The following NTRK3 variants were observed in gnomAD, a reference collection of about 807,000 sequenced individuals.
NTRK3 encodes the protein NT-3 growth factor receptor.
A neutral mutation model predicts 91.7 loss-of-function variants in NTRK3; 24 were observed. The ratio of observed to expected loss-of-function variants is 0.26; its 90% CI spans 0.19 to 0.37. The LOEUF is 0.37. NTRK3 is among the 10% of genes least tolerant of loss of function. The pLI, the probability that NTRK3 is intolerant of heterozygous loss-of-function variation, is 1.00. For synonymous variants in NTRK3, 483 were observed against 404.0 expected (o/e 1.20, Z -2.34); for missense variants, 880 against 1,068.9 (o/e 0.82, Z 2.46).
At position 87,877,000 on chromosome 15, in the gene NTRK3, C is replaced by A; in HGVS notation, c.2413G>T (p.Glu805Ter). 1 of 1,613,828 alleles carries A rather than the reference C, an allele frequency of 6.2e-7. No homozygotes were observed. The highest frequency in any genetic ancestry group is 8.5e-7 in the Non-Finnish European group (1 of 1,179,970). ...AAAGCATGGAGGATTTTGTAGATCT[C>A]CTTGATGTTCAACCGCTGCTGTGGT... Residue 805 changes from glutamate to a stop codon, truncating the protein, a stop_gained, in exon 19 of 19, where the codon GAG becomes TAG. Transcript: ENST00000394480. LOFTEE classifies it high-confidence loss of function.
chr15:87,993,669 A>G (rs916099264), intron 14 of NTRK3, among the ~76,000 whole-genome samples: 2 of 152,218 alleles, frequency 1.3e-5, no homozygotes, highest in African/African-American at 2.4e-5. Context: ...GCTCCCAAGC[A>G]TCAGCATTTT....
At chr15:88,152,465 CAT>C (rs1390092303) in intron 5 of NTRK3, among the ~76,000 whole-genome samples, 2 of 151,988 alleles carry the variant, frequency 1.3e-5, no homozygotes, top group Non-Finnish European at 2.9e-5. Context: ...AGGACACAGA[CAT>C]AAAGAAAAGA....
intron 3 of NTRK3, among the ~76,000 whole-genome samples, chr15:88,192,816 C>T (rs183136829): frequency 6.6e-6 from 1 of 152,252 alleles, no homozygotes; most frequent in African/African-American, 2.4e-5. Context: ...CAGATCTCCA[C>T]TCAAAAATCA....
intron 13 of NTRK3, among the ~76,000 whole-genome samples, chr15:88,082,404 T>G (rs1285177837): frequency 6.6e-6 from 1 of 152,218 alleles, no homozygotes; most frequent in Non-Finnish European, 1.5e-5. Flanking sequence ...AGTGCTGATC[T>G]GAAGTGTACA....
chr15:88,035,834 A>C (rs2079023999), intron 13 of NTRK3, among the ~76,000 whole-genome samples: 1 of 152,238 alleles, frequency 6.6e-6, no homozygotes, highest in Non-Finnish European at 1.5e-5. Flanking sequence ...CTATACAAGC[A>C]AGGCAATATT....
rs189748551 is a variant in NTRK3, at chr15:87,870,890, G to A, written c.*6045C>T. The A allele has an allele frequency of 1.1e-3, 255 of 228,424 alleles. 1 individual carries two copies. The highest frequency in any genetic ancestry group is 5.1e-3 in the African/African-American group (231 of 45,154). 14.1% of individuals were successfully genotyped at this position (228,424 alleles called of 1,614,324 possible). A position where few individuals can be genotyped will look rare whatever the true frequency, so the allele number is the denominator to read the frequency against. On this transcript the variant is annotated 3_prime_UTR_variant, in exon 19 of 19. Coordinates refer to ENST00000394480, the Ensembl canonical transcript of NTRK3. ...GAAGTATCCCCTGCAAGCTATGAAT[G>A]TGGGTCACGACACTGAACAAAAAGC...
intron 14 of NTRK3, among the ~76,000 whole-genome samples, chr15:88,027,996 A>G (rs2078186150): frequency 6.6e-6 from 1 of 152,120 alleles, no homozygotes; most frequent in Admixed American, 6.5e-5. Context: ...GAAATGAAAG[A>G]GGTGTTAAAA....
chr15:88,091,560 G>T (rs761853632), intron 13 of NTRK3, among the ~76,000 whole-genome samples: 2 of 152,122 alleles, frequency 1.3e-5, no homozygotes, highest in African/African-American at 4.8e-5. Context: ...TCTGCTGTAC[G>T]CACAAGGGTA....
intron 3 of NTRK3, among the ~76,000 whole-genome samples, chr15:88,214,794 C>A (rs554863992): frequency 5.3e-5 from 8 of 152,190 alleles, no homozygotes; most frequent in Non-Finnish European, 1.0e-4. Context: ...TCTGAATTTA[C>A]CATTTTGTCC....
chr15:87,958,941 G>C (rs2071957528), intron 14 of NTRK3, among the ~76,000 whole-genome samples: 1 of 152,120 alleles, frequency 6.6e-6, no homozygotes, highest in Admixed American at 6.5e-5. Context: ...ATTGCTTACG[G>C]AAATTGATTC....
At chr15:88,214,423 G>A (rs764407597) in intron 3 of NTRK3, among the ~76,000 whole-genome samples, 1 of 152,142 alleles carries the variant, frequency 6.6e-6, no homozygotes. Context: ...TCCACATGTC[G>A]AATTCTTATA....
At chr15:88,035,915 G>A (rs758171380) in intron 13 of NTRK3, among the ~76,000 whole-genome samples, 8 of 152,016 alleles carry the variant, frequency 5.3e-5, no homozygotes, top group Non-Finnish European at 7.4e-5. Flanking sequence ...TAAAGTTAAA[G>A]GAGAGTGGAA....
intron 14 of NTRK3, among the ~76,000 whole-genome samples, chr15:87,961,983 G>A (rs779403536): frequency 3.3e-5 from 5 of 152,178 alleles, no homozygotes; most frequent in South Asian, 2.1e-4. Context: ...TCCCTCTCTC[G>A]GCCTGGCAGA....
intron 17 of NTRK3, among the ~76,000 whole-genome samples, chr15:87,899,571 C>G (rs541719873): frequency 6.6e-6 from 1 of 152,140 alleles, no homozygotes; most frequent in Non-Finnish European, 1.5e-5. Context: ...GAGACCCGAG[C>G]CTTTGGGCCC....
At chr15:88,050,750 T>C (rs187757094) in intron 13 of NTRK3, among the ~76,000 whole-genome samples, 2 of 152,300 alleles carry the variant, frequency 1.3e-5, no homozygotes, top group East Asian at 3.9e-4. Flanking sequence ...CAATGATCAC[T>C]TCCATTTTAC....
chr15:88,117,415 T>A (rs934757079), intron 13 of NTRK3, among the ~76,000 whole-genome samples: 1 of 152,218 alleles, frequency 6.6e-6, no homozygotes, highest in Non-Finnish European at 1.5e-5. Context: ...CAACTGATAT[T>A]CTTGTCTTTC....
chr15:87,897,479 T>C (rs2066195151), intron 17 of NTRK3, among the ~76,000 whole-genome samples: 1 of 152,190 alleles, frequency 6.6e-6, no homozygotes, highest in Non-Finnish European at 1.5e-5. Context: ...TAATATCTTC[T>C]AGTGGAAACA....
At chr15:88,175,685 A>G (rs918319177) in intron 5 of NTRK3, among the ~76,000 whole-genome samples, 2 of 152,156 alleles carry the variant, frequency 1.3e-5, no homozygotes, top group African/African-American at 4.8e-5. Context: ...ATATTGGGTC[A>G]TTGTTATGGG....
At chr15:88,132,754 T>C (rs1231503061) in intron 10 of NTRK3, among the ~76,000 whole-genome samples, 3 of 152,214 alleles carry the variant, frequency 2.0e-5, no homozygotes, top group Non-Finnish European at 4.4e-5. Flanking sequence ...CTTGAGCGTT[T>C]AAGCATCTTG....
Sources: allele counts gnomAD v4.1 joint callset (sites outside exome capture counted in the v4.1 genomes callset), GRCh38; gene constraint gnomAD v4.1.1; transcripts MANE v1.5; gene names NCBI Gene and HGNC (gene_info 2026-07-23, HGNC 2026-07-21).